DSCAM: variants seen among roughly 807,000 people sequenced by gnomAD.
DSCAM encodes DS cell adhesion molecule.
A neutral mutation model predicts 217.7 loss-of-function variants in DSCAM; 47 were observed. That is an observed-to-expected ratio of 0.22 (90% CI 0.17 to 0.28). The LOEUF is 0.28. Among genes scored for constraint, DSCAM ranks in the 10% least tolerant of loss-of-function variants. The probability of loss-of-function intolerance (pLI) is 1.00; values close to 1 mark genes in which losing one functional copy is unlikely to be tolerated. For synonymous variants in DSCAM, 1,056 were observed against 1,015.3 expected (o/e 1.04, Z -0.76); for missense variants, 2,080 against 2,618.3 (o/e 0.79, Z 4.49).
At chr21:40,293,179 C>A (rs752140415) in intron 10 of DSCAM, among the ~76,000 whole-genome samples, 1 of 152,142 alleles carries the variant, frequency 6.6e-6, no homozygotes, top group Admixed American at 6.5e-5. Flanking sequence ...TGATGGCTTA[C>A]GGACCCTTTA....
At chr21:40,282,717 A>G (rs1569040372) in intron 10 of DSCAM, among the ~76,000 whole-genome samples, 2 of 151,894 alleles carry the variant, frequency 1.3e-5, no homozygotes, top group African/African-American at 4.8e-5. Flanking sequence ...TTACATGAAT[A>G]TCCATGTCAA....
At chr21:40,667,998 C>G (rs917086430) in intron 3 of DSCAM, among the ~76,000 whole-genome samples, 1 of 152,154 alleles carries the variant, frequency 6.6e-6, no homozygotes, top group Non-Finnish European at 1.5e-5. Flanking sequence ...CCTTCTAATA[C>G]CTTTCCAAAT....
intron 3 of DSCAM, among the ~76,000 whole-genome samples, chr21:40,609,833 A>G (rs1460667242): frequency 1.3e-5 from 2 of 152,244 alleles, no homozygotes; most frequent in African/African-American, 2.4e-5. Flanking sequence ...CTTGCCTGGG[A>G]AAGTCTAGCT....
At chr21:40,052,893 GT>G (rs1295505565) in intron 29 of DSCAM, among the ~76,000 whole-genome samples, 2 of 152,150 alleles carry the variant, frequency 1.3e-5, no homozygotes, top group African/African-American at 4.8e-5. Flanking sequence ...TCATTATTTG[GT>G]GGGCCAGGAT....
chr21:40,116,359 T>TA (rs1423856102), intron 20 of DSCAM, among the ~76,000 whole-genome samples: 1 of 152,080 alleles, frequency 6.6e-6, no homozygotes, highest in African/African-American at 2.4e-5. Flanking sequence ...AGCCGTGAAA[T>TA]AAAAAGATAT....
intron 30 of DSCAM, among the ~76,000 whole-genome samples, chr21:40,047,244 T>A (rs1159146960): frequency 2.0e-5 from 3 of 152,198 alleles, no homozygotes; most frequent in African/African-American, 7.2e-5. Flanking sequence ...TGAACTCTGC[T>A]GTATGATAAT....
At position 40,119,247 on chromosome 21, in the gene DSCAM, C is replaced by T. The variant is rs538701035; in HGVS notation, c.3696+4948G>A. Among the ~76,000 whole-genome samples the T allele has an allele frequency of 5.9e-5, 9 of 152,158 alleles. No individual in the cohort carries two copies. The South Asian group carries it at 1.3e-3, about 21-fold the overall frequency. The stretch of plus-strand genomic sequence containing the variant: ...CAGAGCTTGGTGTAAGAGTAGTGCT[C>T]TATGTTTATTTGTGGTAAAAATGAA... On this transcript the variant is annotated intron_variant, in intron 20 of 32. Coordinates refer to ENST00000400454, the MANE Select transcript of DSCAM (RefSeq NM_001389.5).
At chr21:40,137,224 A>G (rs1273286711) in intron 18 of DSCAM, among the ~76,000 whole-genome samples, 1 of 144,384 alleles carries the variant, frequency 6.9e-6, no homozygotes, top group Non-Finnish European at 1.5e-5. Context: ...AAAATGATTA[A>G]AAATGCTAAT....
intron 1 of DSCAM, among the ~76,000 whole-genome samples, chr21:40,808,474 AT>A (rs10538615): frequency 0.13 from 18,209 of 139,274 alleles, 1,714 homozygotes; most frequent in African/African-American, 0.29. Flanking sequence ...TACAACCATC[AT>A]TTTTTTTTTT....
At chr21:40,730,703 G>A (rs2091002985) in intron 1 of DSCAM, among the ~76,000 whole-genome samples, 2 of 151,978 alleles carry the variant, frequency 1.3e-5, no homozygotes, top group Admixed American at 1.3e-4. Flanking sequence ...AACACAAACT[G>A]CAAGAGAGGA....
chr21:40,429,207 A>G (rs1453038044), intron 3 of DSCAM, among the ~76,000 whole-genome samples: 1 of 152,076 alleles, frequency 6.6e-6, no homozygotes, highest in African/African-American at 2.4e-5. Flanking sequence ...CTTTTGCAAA[A>G]TATAATTTTA....
intron 32 of DSCAM, among the ~76,000 whole-genome samples, chr21:40,029,568 G>C (rs960592865): frequency 6.6e-6 from 1 of 152,154 alleles, no homozygotes; most frequent in East Asian, 1.9e-4. Flanking sequence ...GGGTGTGAGG[G>C]TGGAGAGTAG....
chr21:40,635,467 A>G (rs949911911), intron 3 of DSCAM, among the ~76,000 whole-genome samples: 1 of 152,220 alleles, frequency 6.6e-6, no homozygotes, highest in African/African-American at 2.4e-5. Flanking sequence ...GTTAAGAAAG[A>G]AAGAGAGAGG....
chr21:40,058,526 T>G (rs10470193), intron 28 of DSCAM, among the ~76,000 whole-genome samples: 22,896 of 152,168 alleles, frequency 0.15, 2,054 homozygotes, highest in East Asian at 0.34. Context: ...ATGGCCAAAG[T>G]AGGTGCTCAA....
intron 20 of DSCAM, among the ~76,000 whole-genome samples, chr21:40,110,430 A>G (rs1018451666): frequency 6.6e-6 from 1 of 152,228 alleles, no homozygotes; most frequent in Admixed American, 6.5e-5. Context: ...CACCATCATC[A>G]AAGACCAAAG....
At chr21:40,195,762 G>T (rs183162407) in intron 11 of DSCAM, among the ~76,000 whole-genome samples, 17 of 152,242 alleles carry the variant, frequency 1.1e-4, no homozygotes, top group African/African-American at 4.1e-4. Flanking sequence ...TTCCCGGGTG[G>T]GAGGTCAAAA....
chr21:40,030,811 C>T (rs1291392454), intron 32 of DSCAM, among the ~76,000 whole-genome samples: 4 of 152,110 alleles, frequency 2.6e-5, no homozygotes, highest in Non-Finnish European at 5.9e-5. Context: ...GTAACTCTCC[C>T]TCAGACTCAG....
intron 32 of DSCAM, among the ~76,000 whole-genome samples, chr21:40,038,772 G>A (rs2088681974): frequency 6.7e-6 from 1 of 148,476 alleles, no homozygotes; most frequent in Non-Finnish European, 1.5e-5. Flanking sequence ...CAACCCAAAT[G>A]TCCAACAATG....
At chr21:40,260,618 T>C (rs992875099) in intron 11 of DSCAM, among the ~76,000 whole-genome samples, 2 of 152,190 alleles carry the variant, frequency 1.3e-5, no homozygotes, top group African/African-American at 4.8e-5. Flanking sequence ...CTACAAAGAA[T>C]AAATCATCAG....
Sources: gnomAD v4.1 joint callset for allele counts (sites outside exome capture counted in the v4.1 genomes callset) on GRCh38, gnomAD v4.1.1 for gene constraint, MANE v1.5 for transcripts, NCBI Gene and HGNC (gene_info 2026-07-23, HGNC 2026-07-21) for gene names.